The following CUX1 variants were observed in gnomAD, a reference collection of about 807,000 sequenced individuals.
CUX1 encodes cut like homeobox 1, also known as protein CASP.
In CUX1, 31 loss-of-function variants were observed where a neutral mutation model predicts 158.8. The ratio of observed to expected loss-of-function variants is 0.20; its 90% CI spans 0.15 to 0.26. The LOEUF is 0.26. Ranked by LOEUF, CUX1 falls within the 10% of genes least tolerant of loss-of-function variation. The pLI, the probability that CUX1 is intolerant of heterozygous loss-of-function variation, is 1.00. For synonymous variants in CUX1, 879 were observed against 862.1 expected, an observed-to-expected ratio of 1.02 and a Z score of -0.34; for missense variants, 1,589 against 2,014.6, an observed-to-expected ratio of 0.79 and a Z score of 4.04.
chr7:101,850,264 G>A (rs1796132107), intron 1 of CUX1, among the ~76,000 whole-genome samples: 1 of 151,754 alleles, frequency 6.6e-6, no homozygotes. Context: ...GGTAGTCATT[G>A]TTTTTGCATG....
At chr7:102,025,894 T>C (rs1819963271) in intron 2 of CUX1, among the ~76,000 whole-genome samples, 1 of 152,090 alleles carries the variant, frequency 6.6e-6, no homozygotes, top group African/African-American at 2.4e-5. Context: ...TGTGGTACAG[T>C]GGCCAGGTGC....
intron 1 of CUX1, among the ~76,000 whole-genome samples, chr7:101,840,544 A>G (rs1253080646): frequency 6.6e-6 from 1 of 152,222 alleles, no homozygotes; most frequent in African/African-American, 2.4e-5. Context: ...TTGATTGACT[A>G]TATGATGTTG....
chr7:102,257,898 CTT>C lies in CUX1; in HGVS notation c.*8871_*8872del, dbSNP rs374339832. The C allele has an allele frequency of 7.2e-3, 6,078 of 842,816 alleles. No homozygotes were observed. Among genetic ancestry groups the C allele is most frequent in the Non-Finnish European group, 7.8e-3 (5,571 of 712,292 alleles). 52.2% of individuals were successfully genotyped at this position (842,816 alleles called of 1,614,324 possible). On this transcript the variant is annotated 3_prime_UTR_variant, in exon 24 of 24. Transcript: ENST00000292535. ...GAAAAAAGGAAAAAAAAAAAGTCGT[CTT>C]TTTTTTTTTTTTTTGTACAAATCGC...
At chr7:102,107,156 G>A (rs1395082159) in intron 6 of CUX1, among the ~76,000 whole-genome samples, 1 of 151,074 alleles carries the variant, frequency 6.6e-6, no homozygotes, top group Non-Finnish European at 1.5e-5. Context: ...ATTACTTGAG[G>A]TCAGGAGTTC....
In CUX1 at chr7:101,878,936, T is replaced by G. The variant is rs1000821753; in HGVS notation, c.31-37179T>G. 2.0e-5 allele frequency among the ~76,000 whole-genome samples: 3 copies of G among 152,142 alleles called. No individual in the cohort carries two copies. The East Asian group carries it at 5.8e-4, about 29-fold the overall frequency. ...ATCCTCCTGCCTGGGCCTCCCAAAG[T>G]GCTGGGATTACAGGCATGAGCCACT... On this transcript the variant is annotated intron_variant, in intron 1 of 23. Transcript: ENST00000292535.
At chr7:102,221,890 G>A (rs1382769222) in intron 20 of CUX1, among the ~76,000 whole-genome samples, 1 of 152,100 alleles carries the variant, frequency 6.6e-6, no homozygotes, top group Non-Finnish European at 1.5e-5. Context: ...GGTCCTGCAG[G>A]CTGCAGGGTC....
rs1219902464 is a variant in CUX1 at position 102,251,058 on chromosome 7, A to G, written c.*2016A>G. The G allele has an allele frequency of 2.0e-6, 2 of 985,066 alleles. No individual in the cohort carries two copies. Among genetic ancestry groups the G allele is most frequent in the Non-Finnish European group, 2.4e-6 (2 of 829,726 alleles). 61.0% of individuals were successfully genotyped at this position (985,066 alleles called of 1,614,324 possible). On this transcript the variant is annotated 3_prime_UTR_variant, in exon 24 of 24. Coordinates refer to ENST00000292535, the MANE Select transcript of CUX1 (RefSeq NM_181552.4). Reference sequence around the variant, plus strand: ...AAAGGGGCAAATATTCTTTAGAGGGATAGACTGCCGGCAGTATTGGGTATA... The same window carrying G: ...AAAGGGGCAAATATTCTTTAGAGGGGTAGACTGCCGGCAGTATTGGGTATA...
At chr7:102,189,944 G>C in intron 12 of CUX1, 73 bp downstream of exon 12, 1 of 1,539,962 alleles carries the variant, frequency 6.5e-7, no homozygotes, top group South Asian at 1.1e-5. Context: ...ATGCCAGGCT[G>C]GTGGCAGGAA....
intron 3 of CUX1, among the ~76,000 whole-genome samples, chr7:102,029,603 G>A (rs1439343463): frequency 6.6e-6 from 1 of 152,146 alleles, no homozygotes; most frequent in Non-Finnish European, 1.5e-5. Context: ...AGGGACCAGC[G>A]TAGAAAGAAG....
chr7:101,981,354 G>A (rs989982388), intron 2 of CUX1, among the ~76,000 whole-genome samples: 2 of 152,314 alleles, frequency 1.3e-5, no homozygotes, highest in African/African-American at 4.8e-5. Context: ...TTTTGTGAAT[G>A]AAAGAGTGGC....
intron 3 of CUX1, among the ~76,000 whole-genome samples, chr7:102,030,691 G>GGTTTTTTT (rs537970250): frequency 8.4e-6 from 1 of 119,386 alleles, no homozygotes; most frequent in African/African-American, 3.1e-5. Context: ...TTTAAAAAGT[G>GGTTTTTTT]TTTTTTTTTT....
chr7:102,154,210 C>T (rs1273471451), intron 8 of CUX1, among the ~76,000 whole-genome samples: 3 of 151,638 alleles, frequency 2.0e-5, no homozygotes, highest in Non-Finnish European at 2.9e-5. Context: ...AAGATATTTC[C>T]CAGAAAGTAA....
At chr7:102,023,541 C>T (rs1347604651) in intron 2 of CUX1, among the ~76,000 whole-genome samples, 1 of 152,200 alleles carries the variant, frequency 6.6e-6, no homozygotes, top group Non-Finnish European at 1.5e-5. Flanking sequence ...ATGATCTTGG[C>T]TCACTTGCAG....
chr7:102,054,593 C>T (rs960748913), intron 3 of CUX1, among the ~76,000 whole-genome samples: 1 of 152,246 alleles, frequency 6.6e-6, no homozygotes, highest in East Asian at 1.9e-4. Flanking sequence ...AACCTTGTTT[C>T]CTTTTTCAAA....
At chr7:102,060,322 C>G (rs1365835108) in intron 3 of CUX1, among the ~76,000 whole-genome samples, 10 of 151,666 alleles carry the variant, frequency 6.6e-5, no homozygotes, top group African/African-American at 9.7e-5. Context: ...CCAGGACTTT[C>G]CACATCTTGG....
chr7:102,095,801 A>G (rs1554483915), intron 4 of CUX1, among the ~76,000 whole-genome samples: 4 of 152,350 alleles, frequency 2.6e-5, no homozygotes, highest in African/African-American at 9.6e-5. Flanking sequence ...AAATATATTC[A>G]ATAATCTTTC....
At chr7:102,171,119 G>A (rs1025834852) in intron 10 of CUX1, among the ~76,000 whole-genome samples, 7 of 152,134 alleles carry the variant, frequency 4.6e-5, no homozygotes, top group African/African-American at 1.2e-4. Flanking sequence ...TTCCCAGCTC[G>A]ATCAAGGTGG....
intron 2 of CUX1, among the ~76,000 whole-genome samples, chr7:101,965,192 C>T (rs145086999): frequency 2.6e-4 from 39 of 152,308 alleles, no homozygotes; most frequent in Non-Finnish European, 4.1e-4. Flanking sequence ...TCTTCCCTAA[C>T]ACCGCTTTGC....
chr7:101,823,696 A>C (rs745675559), intron 1 of CUX1, among the ~76,000 whole-genome samples: 1 of 152,362 alleles, frequency 6.6e-6, no homozygotes, highest in Middle Eastern at 3.4e-3. Flanking sequence ...TCAATAAGGA[A>C]ATGCAGTTAA....
Sources: allele counts gnomAD v4.1 joint callset (sites outside exome capture counted in the v4.1 genomes callset), GRCh38; gene constraint gnomAD v4.1.1; transcripts MANE v1.5; gene names NCBI Gene and HGNC (gene_info 2026-07-23, HGNC 2026-07-21).